The following RANBP2 variants were observed in gnomAD, a reference collection of about 807,000 sequenced individuals.
RANBP2 encodes the protein RAN binding protein 2.
In RANBP2, 57 loss-of-function variants were observed where a neutral mutation model predicts 303.6. That is an observed-to-expected ratio of 0.19 (90% CI 0.15 to 0.23). The LOEUF is 0.23. Among genes scored for constraint, RANBP2 ranks in the 10% least tolerant of loss-of-function variants. The pLI is 1.00. For missense variants in RANBP2, 3,138 were observed against 3,780.8 expected (o/e 0.83, Z 4.46); for synonymous variants, 1,167 against 1,301.5 (o/e 0.90, Z 2.23).
At chr2:109,322,729 T>TGATCAGC in the RANBP2 span, among the ~76,000 whole-genome samples, 1 of 152,220 alleles carries the variant, frequency 6.6e-6, no homozygotes, top group African/African-American at 2.4e-5. Flanking sequence ...AAGAGGTAGA[T>TGATCAGC]GATCAGCTCA....
At chr2:109,221,191 G>T in the RANBP2 span, among the ~76,000 whole-genome samples, 1 of 152,204 alleles carries the variant, frequency 6.6e-6, no homozygotes, top group Non-Finnish European at 1.5e-5. Context: ...GGAATAAAAA[G>T]TCAGTCTTCC....
chr2:109,500,582 G>A, the RANBP2 span, among the ~76,000 whole-genome samples: 1 of 152,184 alleles, frequency 6.6e-6, no homozygotes, highest in Non-Finnish European at 1.5e-5. Flanking sequence ...TATTGATGTT[G>A]ATGTTGTGGC....
At chr2:109,362,336 A>G in the RANBP2 span, among the ~76,000 whole-genome samples, 969 of 152,276 alleles carry the variant, frequency 6.4e-3, 10 homozygotes, top group East Asian at 0.048. Flanking sequence ...TGTTACTTGG[A>G]AGTATGTTGT....
chr2:109,097,315 A>AAAAAC, the RANBP2 span, among the ~76,000 whole-genome samples: 1,265 of 148,960 alleles, frequency 8.5e-3, 10 homozygotes, highest in South Asian at 0.043. Context: ...AAACAAAACA[A>AAAAAC]AAAACAAAAC....
the RANBP2 span, among the ~76,000 whole-genome samples, chr2:109,718,766 T>G: frequency 6.6e-6 from 1 of 151,908 alleles, no homozygotes; most frequent in Non-Finnish European, 1.5e-5. Flanking sequence ...GATCATGAGG[T>G]CAGGAGATCA....
At chr2:109,155,369 T>C in the RANBP2 span, among the ~76,000 whole-genome samples, 21,417 of 152,120 alleles carry the variant, frequency 0.14, 1,635 homozygotes, top group Middle Eastern at 0.21. Context: ...GGTGGGATCT[T>C]GGCTCACTGC....
chr2:109,595,872 T>C, the RANBP2 span, among the ~76,000 whole-genome samples: 5 of 152,102 alleles, frequency 3.3e-5, no homozygotes, highest in East Asian at 1.9e-4. Context: ...TTAGACACAA[T>C]GAGGAGGAGG....
the RANBP2 span, among the ~76,000 whole-genome samples, chr2:109,473,531 G>A: frequency 6.6e-6 from 1 of 152,208 alleles, no homozygotes. Flanking sequence ...CAGGGTTAGA[G>A]CGACAGAGAG....
the RANBP2 span, among the ~76,000 whole-genome samples, chr2:109,365,691 T>C: frequency 1.3e-5 from 2 of 152,194 alleles, no homozygotes; most frequent in African/African-American, 4.8e-5. Context: ...CAGACACTGT[T>C]TTATTTCATT....
Position 108,764,780 on chromosome 2 carries a change from A to G in RANBP2, c.4241A>G (p.Lys1414Arg), listed in dbSNP as rs757375469. Residue 1414 changes from lysine (K) to arginine (R), a missense_variant, in exon 20 of 29, where the codon AAG (lysine) becomes AGG (arginine). By Grantham distance (26) the Lys-to-Arg change is conservative. Coordinates refer to ENST00000283195, the MANE Select transcript of RANBP2 (RefSeq NM_006267.5). ...VQDRFALVTP[K>R]KEGHWDCSIC... ...GATCGATTTGCATTGGTGACTCCAA[A>G]GAAAGAAGGTCACTGGGATTGTAGT... The G allele has an allele frequency of 6.2e-7, 1 of 1,614,074 alleles. No individual in the cohort carries two copies. Among genetic ancestry groups the G allele is most frequent in the South Asian group, 1.1e-5 (1 of 91,080 alleles).
chr2:109,129,987 C>T, the RANBP2 span: 4 of 1,297,990 alleles, frequency 3.1e-6, no homozygotes, highest in South Asian at 4.7e-5. Flanking sequence ...CCCCCACGCT[C>T]GCGGGCGGCG....
chr2:108,739,987 C>CAA (rs201160038), intron 6 of RANBP2, among the ~76,000 whole-genome samples: 128 of 129,602 alleles, frequency 9.9e-4, no homozygotes, highest in African/African-American at 3.5e-3. Context: ...GACTCCGTCT[C>CAA]AAAAAAAAAA....
intron 23 of RANBP2, 134 bp downstream of exon 23, chr2:108,773,180 T>A: frequency 1.1e-6 from 1 of 916,690 alleles, no homozygotes; most frequent in South Asian, 1.5e-5. Flanking sequence ...TGCAATGGCA[T>A]GCTCGTGGCT....
chr2:109,657,808 C>G, the RANBP2 span, among the ~76,000 whole-genome samples: 11 of 149,310 alleles, frequency 7.4e-5, no homozygotes, highest in East Asian at 2.3e-3. Context: ...CAACCTCCTC[C>G]TCCTGGGCTC....
the RANBP2 span, among the ~76,000 whole-genome samples, chr2:109,642,362 T>G: frequency 6.6e-6 from 1 of 152,246 alleles, no homozygotes; most frequent in African/African-American, 2.4e-5. Flanking sequence ...TACTCTGGAC[T>G]GTAGTGCTAT....
chr2:109,385,795 A>G, the RANBP2 span, among the ~76,000 whole-genome samples: 5 of 152,252 alleles, frequency 3.3e-5, no homozygotes, highest in Non-Finnish European at 1.5e-5. Context: ...GGACTGAGGT[A>G]GGACCTGGCA....
intron 1 of RANBP2, among the ~76,000 whole-genome samples, chr2:108,726,255 G>A (rs546313008): frequency 1.3e-3 from 195 of 152,232 alleles, no homozygotes; most frequent in African/African-American, 4.4e-3. Context: ...CTCGCCACCC[G>A]CTAGTTACAT....
At chr2:109,429,585 C>G in the RANBP2 span, among the ~76,000 whole-genome samples, 1 of 152,238 alleles carries the variant, frequency 6.6e-6, no homozygotes, top group South Asian at 2.1e-4. Flanking sequence ...GGACCCCAGC[C>G]TCCCCGGGCC....
the RANBP2 span, among the ~76,000 whole-genome samples, chr2:108,879,359 A>G: frequency 6.6e-6 from 1 of 152,240 alleles, no homozygotes; most frequent in Non-Finnish European, 1.5e-5. Flanking sequence ...TTAAAATTTC[A>G]ACATGAAATA....
Sources: gnomAD v4.1 joint callset for allele counts (sites outside exome capture counted in the v4.1 genomes callset) on GRCh38, gnomAD v4.1.1 for gene constraint, MANE v1.5 for transcripts, NCBI Gene and HGNC (gene_info 2026-07-23, HGNC 2026-07-21) for gene names.